OTUD7A: variants seen among roughly 807,000 people sequenced by gnomAD.
OTUD7A encodes OTU deubiquitinase 7A.
In OTUD7A, 12 loss-of-function variants were observed where a neutral mutation model predicts 65.7. The observed-to-expected ratio is 0.18, with a 90% confidence interval of 0.12 to 0.30. OTUD7A has a LOEUF of 0.30. OTUD7A is among the 10% of genes least tolerant of loss of function. The probability of loss-of-function intolerance (pLI) is 1.00; values close to 1 mark genes in which losing one functional copy is unlikely to be tolerated. For missense variants in OTUD7A, 1,148 were observed against 1,304.8 expected, an observed-to-expected ratio of 0.88 and a Z score of 1.85; for synonymous variants, 641 against 586.3, an observed-to-expected ratio of 1.09 and a Z score of -1.35.
At position 31,768,112 on chromosome 15, in the gene OTUD7A, T is replaced by C. The variant is rs1895136522; in HGVS notation, c.-100+102395A>G. 17 of 1,597,258 alleles carry C rather than the reference T, an allele frequency of 1.1e-5. No individual in the cohort carries two copies. In the South Asian group the frequency reaches 1.5e-4, roughly 14 times the overall value. On this transcript the variant is annotated intron_variant, in intron 1 of 12. Transcript: ENST00000307050. ...TTTTAAAGTGTTGTCTGTGTTTTCT[T>C]AGAGGCATTCCTGCTCGAAAAGATG...
intron 3 of OTUD7A, among the ~76,000 whole-genome samples, chr15:31,647,389 AT>A (rs990818789): frequency 6.6e-6 from 1 of 152,246 alleles, no homozygotes. Context: ...CATGTGATGA[AT>A]TATAAAATAA....
chr15:31,800,141 G>C (rs1389730061), intron 1 of OTUD7A, among the ~76,000 whole-genome samples: 1 of 152,116 alleles, frequency 6.6e-6, no homozygotes, highest in Non-Finnish European at 1.5e-5. Context: ...AATAACACAA[G>C]GTACTCAGTG....
At chr15:31,665,144 C>CT (rs1490084294) in intron 1 of OTUD7A, among the ~76,000 whole-genome samples, 1 of 152,058 alleles carries the variant, frequency 6.6e-6, no homozygotes, top group Non-Finnish European at 1.5e-5. Context: ...TATGCAGGCT[C>CT]TTTTTTTGGT....
intron 3 of OTUD7A, among the ~76,000 whole-genome samples, chr15:31,584,560 C>G (rs1331648201): frequency 6.6e-6 from 1 of 152,220 alleles, no homozygotes; most frequent in Non-Finnish European, 1.5e-5. Context: ...CACCTTAAAA[C>G]CCAGCTTGTT....
At position 31,613,517 on chromosome 15, in the gene OTUD7A, T is replaced by C. The variant is rs565890451; in HGVS notation, c.151+41579A>G. ...TGAACAGACAATTCTCAAAAGAAGATATACAAATGGCCAACAAACATATGA... is the reference window on the plus strand; with the variant it reads ...TGAACAGACAATTCTCAAAAGAAGACATACAAATGGCCAACAAACATATGA... On this transcript the variant is annotated intron_variant, in intron 3 of 12. Coordinates refer to ENST00000307050, the MANE Select transcript of OTUD7A (RefSeq NM_001382637.1). 2.4e-3 allele frequency among the ~76,000 whole-genome samples: 366 copies of C among 152,072 alleles called. 2 individuals are homozygous for C. Among genetic ancestry groups the C allele is most frequent in the African/African-American group, 8.5e-3 (354 of 41,500 alleles).
intron 1 of OTUD7A, among the ~76,000 whole-genome samples, chr15:31,763,971 TCA>T (rs1276024539): frequency 6.6e-6 from 1 of 152,096 alleles, no homozygotes; most frequent in Non-Finnish European, 1.5e-5. Context: ...AAAGATATTC[TCA>T]GATGAAAGAA....
At position 31,671,248 on chromosome 15, in the gene OTUD7A, A is replaced by G. The variant is rs563853441; in HGVS notation, c.-99-14171T>C. Among the ~76,000 whole-genome samples the G allele has an allele frequency of 2.6e-5, 4 of 152,302 alleles. No individual in the cohort carries two copies. The East Asian group carries it at 5.8e-4, about 22-fold the overall frequency. On this transcript the variant is annotated intron_variant, in intron 1 of 12. Transcript: ENST00000307050. ...TAATCCATCTTGAGTTAATTTTTGT[A>G]TAAGGTGTAAGGAAGGGATCCAGTT...
At chr15:31,792,695 G>C (rs1895850181) in intron 1 of OTUD7A, among the ~76,000 whole-genome samples, 1 of 152,176 alleles carries the variant, frequency 6.6e-6, no homozygotes, top group South Asian at 2.1e-4. Flanking sequence ...ACCACCACCA[G>C]ATAAAATTCT....
At position 31,774,977 on chromosome 15, in the gene OTUD7A, T is replaced by TAAAA. The variant is rs3046536; in HGVS notation, c.-100+95526_-100+95529dup. 1.1e-3 allele frequency among the ~76,000 whole-genome samples: 159 copies of TAAAA among 144,676 alleles called. 2 individuals carry two copies. The highest frequency in any genetic ancestry group is 2.2e-3 in the African/African-American group (87 of 38,888). The allele number at this position is 144,676 out of a possible 152,430, so 94.9% of individuals were successfully genotyped here. A position where few individuals can be genotyped will look rare whatever the true frequency, so the allele number is the denominator to read the frequency against. The stretch of plus-strand genomic sequence containing the variant: ...GAACAGTTTTGATTGAAAAGATAGT[T>TAAAA]AAAAAAAAAAAGTGATACTGCTGTA... On this transcript the variant is annotated intron_variant, in intron 1 of 12. Transcript: ENST00000307050.
chr15:31,662,589 G>A (rs538175363), intron 1 of OTUD7A, among the ~76,000 whole-genome samples: 20 of 152,110 alleles, frequency 1.3e-4, no homozygotes, highest in Non-Finnish European at 2.5e-4. Context: ...TTACTGTTCC[G>A]GATCTAGAAT....
chr15:31,790,201 C>T (rs961828600), intron 1 of OTUD7A, among the ~76,000 whole-genome samples: 5 of 152,324 alleles, frequency 3.3e-5, no homozygotes, highest in East Asian at 1.9e-4. Flanking sequence ...TCCTACATGG[C>T]GTCAGGATCC....
chr15:31,711,088 C>G lies in OTUD7A; in HGVS notation c.-99-54011G>C, dbSNP rs1246262661. Among the ~76,000 whole-genome samples the G allele has an allele frequency of 2.6e-5, 4 of 150,994 alleles. No homozygotes were observed. In the East Asian group the frequency reaches 5.9e-4, roughly 22 times the overall value. On this transcript the variant is annotated intron_variant, in intron 1 of 12. Transcript: ENST00000307050. The stretch of plus-strand genomic sequence containing the variant: ...TGACTAGGAAAAAAAAAACAAAACC[C>G]TTTCTATGGTGAATAGCAAATAGAG...
chr15:31,655,312 C>T lies in OTUD7A; in HGVS notation c.-4-62G>A. 3 of 718,486 alleles carry T rather than the reference C, an allele frequency of 4.2e-6. No homozygotes were observed. In the South Asian group the frequency reaches 5.7e-5, roughly 14 times the overall value. The allele number at this position is 718,486 out of a possible 1,614,324, so 44.5% of individuals were successfully genotyped here. A position where few individuals can be genotyped will look rare whatever the true frequency, so the allele number is the denominator to read the frequency against. ...ATGGAAATGGAGCTGCAAGTGACAA[C>T]TACATGCAGAGACCTGAGCGAGAGA... On this transcript the variant is annotated intron_variant, in intron 2 of 12. Transcript: ENST00000307050.
chr15:31,550,923 C>T (rs1888302332), intron 5 of OTUD7A, among the ~76,000 whole-genome samples: 1 of 152,252 alleles, frequency 6.6e-6, no homozygotes, highest in African/African-American at 2.4e-5. Context: ...AGAGAAACAC[C>T]TGAATGCTCA....
chr15:31,619,140 G>A (rs1890691845), intron 3 of OTUD7A, among the ~76,000 whole-genome samples: 1 of 152,142 alleles, frequency 6.6e-6, no homozygotes, highest in Admixed American at 6.5e-5. Context: ...CTATATCTCT[G>A]TTTTGGTACC....
chr15:31,714,861 C>T (rs1378760838), intron 1 of OTUD7A, among the ~76,000 whole-genome samples: 3 of 152,120 alleles, frequency 2.0e-5, no homozygotes, highest in African/African-American at 7.2e-5. Context: ...ATTGGCCAGG[C>T]GTGGTGGCTC....
chr15:31,516,884 A>C (rs1481202081), intron 8 of OTUD7A, among the ~76,000 whole-genome samples: 1 of 152,206 alleles, frequency 6.6e-6, no homozygotes, highest in African/African-American at 2.4e-5. Context: ...AGGATCTATA[A>C]GTAAAAACCT....
intron 1 of OTUD7A, chr15:31,765,673 G>C: frequency 1.4e-6 from 1 of 740,666 alleles, no homozygotes; most frequent in Middle Eastern, 3.9e-4. Flanking sequence ...ACTTCCTTTT[G>C]AGTAGCTACA....
chr15:31,702,697 C>T (rs1159223642), intron 1 of OTUD7A, among the ~76,000 whole-genome samples: 3 of 151,924 alleles, frequency 2.0e-5, no homozygotes, highest in Non-Finnish European at 4.4e-5. Flanking sequence ...TATAAATTGA[C>T]AGACAATTCC....
Sources: allele counts gnomAD v4.1 joint callset (sites outside exome capture counted in the v4.1 genomes callset), GRCh38; gene constraint gnomAD v4.1.1; transcripts MANE v1.5; gene names NCBI Gene and HGNC (gene_info 2026-07-23, HGNC 2026-07-21).